SRPK2: variants seen among roughly 807,000 people sequenced by gnomAD.
The protein encoded by SRPK2 is SFRS protein kinase 2.
SRPK2 carries 21 observed loss-of-function variants against 90.8 expected under a neutral mutation model. The observed-to-expected ratio is 0.23, with a 90% CI of 0.16 to 0.33. SRPK2 has a LOEUF of 0.33. Among genes scored for constraint, SRPK2 ranks in the 10% least tolerant of loss-of-function variants. The pLI is 1.00. For missense variants in SRPK2, 620 were observed against 869.0 expected, an observed-to-expected ratio of 0.71 and a Z score of 3.60; for synonymous variants, 288 against 311.1, an observed-to-expected ratio of 0.93 and a Z score of 0.78.
chr7:105,169,435 A>G (rs1790518361), intron 3 of SRPK2, among the ~76,000 whole-genome samples, 170 bp from the exon 4 acceptor site: 1 of 152,230 alleles, frequency 6.6e-6, no homozygotes, highest in African/African-American at 2.4e-5. Context: ...TTTCAACAAG[A>G]AAAAGTGTTG....
chr7:105,392,744 T>C (rs919961560), upstream of SRPK2, among the ~76,000 whole-genome samples: 3 of 152,032 alleles, frequency 2.0e-5, no homozygotes, highest in Admixed American at 2.0e-4. Flanking sequence ...GTGATCCACC[T>C]GCCTCTGCCT....
At chr7:105,288,425 T>G (rs532188041) in intron 2 of SRPK2, among the ~76,000 whole-genome samples, 2 of 152,072 alleles carry the variant, frequency 1.3e-5, no homozygotes, top group East Asian at 3.9e-4. Flanking sequence ...GAACCCTATC[T>G]CTACTAAAAA....
intron 2 of SRPK2, among the ~76,000 whole-genome samples, chr7:105,366,507 C>A (rs989310769): frequency 1.3e-5 from 2 of 151,574 alleles, no homozygotes; most frequent in Non-Finnish European, 2.9e-5. Context: ...GCAGATGGGA[C>A]TACAGGCGTG....
At chr7:105,176,723 G>GTGTA (rs368315972) in intron 3 of SRPK2, among the ~76,000 whole-genome samples, 2 of 68,570 alleles carry the variant, frequency 2.9e-5, no homozygotes, top group South Asian at 3.9e-4. Context: ...GTGTGTGTGT[G>GTGTA]TGTATGTATG....
chr7:105,133,915 T>C (rs1447942365), intron 11 of SRPK2, among the ~76,000 whole-genome samples: 2 of 151,990 alleles, frequency 1.3e-5, no homozygotes, highest in Non-Finnish European at 2.9e-5. Flanking sequence ...TCAAACAAGT[T>C]CAGATCATGC....
At chr7:105,226,517 C>G (rs1403153818) in intron 2 of SRPK2, among the ~76,000 whole-genome samples, 1 of 152,072 alleles carries the variant, frequency 6.6e-6, no homozygotes, top group Non-Finnish European at 1.5e-5. Context: ...TCTTAGAACT[C>G]CTGACCTCAG....
At chr7:105,379,813 C>T (rs1820734630) in intron 2 of SRPK2, among the ~76,000 whole-genome samples, 1 of 152,214 alleles carries the variant, frequency 6.6e-6, no homozygotes, top group South Asian at 2.1e-4. Flanking sequence ...CTCGTCTCTA[C>T]TAAAAATACA....
At chr7:105,161,585 C>G (rs1277940433) in intron 6 of SRPK2, among the ~76,000 whole-genome samples, 1 of 152,148 alleles carries the variant, frequency 6.6e-6, no homozygotes, top group Non-Finnish European at 1.5e-5. Flanking sequence ...CACTCTCACC[C>G]ATCTCAGCAC....
chr7:105,205,511 TCTCTCTCACACACA>T (rs1186042159), intron 2 of SRPK2, among the ~76,000 whole-genome samples: 5 of 64,842 alleles, frequency 7.7e-5, no homozygotes, highest in East Asian at 3.6e-4. Flanking sequence ...TCTCTCTCTC[TCTCTCTCACACACA>T]CACACACACA....
intron 2 of SRPK2, among the ~76,000 whole-genome samples, chr7:105,204,360 C>A (rs1231521253): frequency 6.6e-6 from 1 of 152,118 alleles, no homozygotes; most frequent in African/African-American, 2.4e-5. Flanking sequence ...TTCTATAAGG[C>A]CTGTTCGAAG....
chr7:105,213,753 A>C (rs1263089408), intron 2 of SRPK2, among the ~76,000 whole-genome samples: 1 of 152,210 alleles, frequency 6.6e-6, no homozygotes, highest in Non-Finnish European at 1.5e-5. Context: ...CAGAGTGAAT[A>C]AAATGTCACA....
At chr7:105,328,812 C>A (rs1485275768) in intron 2 of SRPK2, among the ~76,000 whole-genome samples, 1 of 150,638 alleles carries the variant, frequency 6.6e-6, no homozygotes, top group Non-Finnish European at 1.5e-5. Flanking sequence ...TTGCAGTGAG[C>A]CGAGATTGTG....
chr7:105,349,310 G>A (rs1585827883), intron 2 of SRPK2, among the ~76,000 whole-genome samples: 1 of 151,942 alleles, frequency 6.6e-6, no homozygotes, highest in African/African-American at 2.4e-5. Flanking sequence ...ATCACTGGAG[G>A]TTGGGAGTTC....
intron 11 of SRPK2, among the ~76,000 whole-genome samples, chr7:105,135,366 C>CT (rs1459005462): frequency 6.6e-6 from 1 of 152,134 alleles, no homozygotes; most frequent in East Asian, 1.9e-4. Flanking sequence ...GACGCAGGGG[C>CT]TTCCCTCTGC....
chr7:105,184,811 C>T lies in SRPK2; in HGVS notation c.230-15546G>A, dbSNP rs531009349. 5.3e-5 allele frequency among the ~76,000 whole-genome samples: 8 copies of T among 152,290 alleles called. No individual in the cohort carries two copies. The South Asian group carries it at 1.7e-3, about 32-fold the overall frequency. ...AAATACTTAATAACAATCTGGTTAT[C>T]CCCTAATAAGTCATGTGGTCTTTCC... On this transcript the variant is annotated intron_variant, in intron 3 of 15. Transcript: ENST00000393651.
chr7:105,283,979 G>C (rs532819998), intron 2 of SRPK2, among the ~76,000 whole-genome samples: 1 of 152,220 alleles, frequency 6.6e-6, no homozygotes, highest in South Asian at 2.1e-4. Flanking sequence ...GACAGGCTGG[G>C]AGACAGGGAC....
intron 3 of SRPK2, among the ~76,000 whole-genome samples, chr7:105,170,910 AGAAAGGAGAAAGAAAAAGAAAAAG>A (rs1790909550): frequency 4.4e-5 from 5 of 114,784 alleles, no homozygotes; most frequent in Admixed American, 9.1e-5. Context: ...AAAGAAAGAA[AGAAAGGAGAAAGAAAAAGAAAAAG>A]GAAAGAAAGA....
At chr7:105,302,197 G>A (rs1270044564) in intron 2 of SRPK2, 15 of 796,208 alleles carry the variant, frequency 1.9e-5, no homozygotes, top group Admixed American at 2.1e-5. Flanking sequence ...AATAATTTTT[G>A]TATGTTTCTT....
At chr7:105,168,745 A>ATGTATGTGTGTGTGTGTGTGTGTGTG (rs1790413401) in intron 4 of SRPK2, among the ~76,000 whole-genome samples, 4 of 104,008 alleles carry the variant, frequency 3.8e-5, no homozygotes, top group Non-Finnish European at 8.4e-5. Context: ...CACGCACCAA[A>ATGTATGTGTGTGTGTGTGTGTGTGTG]TGTGTGTGTG....
Sources: gnomAD v4.1 joint callset for allele counts (sites outside exome capture counted in the v4.1 genomes callset) on GRCh38, gnomAD v4.1.1 for gene constraint, MANE v1.5 for transcripts, NCBI Gene and HGNC (gene_info 2026-07-23, HGNC 2026-07-21) for gene names.